ERICH1: variants seen among roughly 807,000 people sequenced by gnomAD.
The protein encoded by ERICH1 is glutamate rich 1.
Under a neutral mutation model 39.6 loss-of-function variants are expected in ERICH1, and 56 were observed. That is an observed-to-expected ratio of 1.41 (90% CI 1.14 to 1.77). ERICH1 has a LOEUF of 1.77. Ranked by LOEUF, ERICH1 falls within the 40% of genes most tolerant of loss-of-function variation. ERICH1 has a pLI of 0.00. For missense variants in ERICH1, 826 were observed against 575.4 expected (o/e 1.44, Z -4.45); for synonymous variants, 313 against 223.6 (o/e 1.40, Z -3.57).
intron 2 of ERICH1, among the ~76,000 whole-genome samples, chr8:707,565 A>G (rs1484130169): frequency 2.0e-5 from 3 of 152,138 alleles, no homozygotes; most frequent in African/African-American, 7.2e-5. Context: ...GTCTTCCACA[A>G]CTGGTGTTAA....
chr8:687,133 G>A lies in ERICH1; in HGVS notation c.304+5345C>T, dbSNP rs186712351. Among the ~76,000 whole-genome samples, 434 of 152,316 alleles carry A rather than the reference G, an allele frequency of 2.8e-3. 10 individuals carry two copies. Among genetic ancestry groups the A allele is most frequent in the Non-Finnish European group, 4.6e-4 (31 of 68,030 alleles). Reference sequence around the variant, plus strand: ...CATTTACTGCATGCTTCCAGAAGCCGTGAAGTTAGTAACTATTTCAACTGG... The same window carrying A: ...CATTTACTGCATGCTTCCAGAAGCCATGAAGTTAGTAACTATTTCAACTGG... On this transcript the variant is annotated intron_variant, in intron 3 of 5. Coordinates refer to ENST00000262109, the MANE Select transcript of ERICH1 (RefSeq NM_207332.3).
chr8:623,121 C>G (rs1797390638), intron 3 of ERICH1, among the ~76,000 whole-genome samples: 1 of 152,034 alleles, frequency 6.6e-6, no homozygotes, highest in Non-Finnish European at 1.5e-5. Context: ...CAAAAGAAAA[C>G]TACAGACTAA....
chr8:615,258 TCTTGG>T lies in ERICH1; in HGVS notation c.998_1002del (p.Ala333GlufsTer39). 5 of 697,780 alleles carry T rather than the reference TCTTGG, an allele frequency of 7.2e-6. No homozygotes were observed. The highest frequency in any genetic ancestry group is 1.3e-5 in the Non-Finnish European group (5 of 383,378). The allele number at this position is 697,780 out of a possible 1,614,324, so 43.2% of individuals were successfully genotyped here. On this transcript the variant is annotated frameshift_variant, in exon 4 of 4. Transcript: ENST00000522706. LOFTEE classifies it low-confidence loss of function (END_TRUNC). Reference sequence around the variant, plus strand: ...CCCTCTCTCTTTCCTCTTCTTATTTTCTTGGCTTTAAGTCTGCTTAGGACTCCTGG... The same window carrying T: ...CCCTCTCTCTTTCCTCTTCTTATTTTCTTTAAGTCTGCTTAGGACTCCTGG...
At chr8:720,679 C>T (rs1257308233) in intron 1 of ERICH1, among the ~76,000 whole-genome samples, 4 of 152,104 alleles carry the variant, frequency 2.6e-5, no homozygotes, top group South Asian at 2.1e-4. Flanking sequence ...AACTTGAGCA[C>T]GGTCGTCAAA....
At chr8:702,370 C>T (rs1812354586) in intron 2 of ERICH1, among the ~76,000 whole-genome samples, 1 of 152,152 alleles carries the variant, frequency 6.6e-6, no homozygotes, top group African/African-American at 2.4e-5. Flanking sequence ...AGCGGCACAG[C>T]TCCTTTAAAG....
chr8:726,411 T>C (rs1284498730), intron 1 of ERICH1, among the ~76,000 whole-genome samples: 1 of 150,252 alleles, frequency 6.7e-6, no homozygotes, highest in Non-Finnish European at 1.5e-5. Context: ...CAGACACACA[T>C]GTACACCCAT....
intron 3 of ERICH1, among the ~76,000 whole-genome samples, chr8:688,275 G>GGCCCCGCCCCGCCCCGGCCC: frequency 3.1e-5 from 1 of 32,206 alleles, no homozygotes; most frequent in South Asian, 1.2e-3. Flanking sequence ...AGTTCCGCCC[G>GGCCCCGCCCCGCCCCGGCCC]TCCCCGCCCC....
Position 638,173 on chromosome 8 carries a change from C to T in ERICH1, c.977-22889G>A, listed in dbSNP as rs567410610. Among the ~76,000 whole-genome samples the T allele has an allele frequency of 5.2e-5, 8 of 152,392 alleles. No individual in the cohort carries two copies. The East Asian group carries it at 7.7e-4, about 15-fold the overall frequency. ...CAGCATCCTGCAGAAGCTCCTACCA[C>T]GTGTGGGGCGCCTGGCCCTTGCCTT... On this transcript the variant is annotated intron_variant, in intron 3 of 3. Coordinates refer to the ERICH1 transcript ENST00000522706.
chr8:617,199 G>A (rs11778241), intron 3 of ERICH1, among the ~76,000 whole-genome samples: 84,778 of 151,738 alleles, frequency 0.56, 25,310 homozygotes, highest in East Asian at 0.88. Context: ...ATTCCAAGAG[G>A]CACTGACGCC....
Position 668,642 on chromosome 8 carries a change from T to G in ERICH1, c.1214A>C (p.Lys405Thr). The change falls in exon 5 of 6, where the codon AAG (lysine) becomes ACG (threonine). Residue 405 changes from lysine (K) to threonine (T), a missense_variant. Coordinates refer to ENST00000262109, the MANE Select transcript of ERICH1 (RefSeq NM_207332.3). ...LLLLQDTERL[K>T]HALEMFPEHC... is the part of the protein sequence containing the mutation. Reference sequence around the variant, plus strand: ...TTCTGGGAACATTTCCAGAGCATGCTTCAATCTCTCAGTATCTTGCAGGAG... The same window carrying G: ...TTCTGGGAACATTTCCAGAGCATGCGTCAATCTCTCAGTATCTTGCAGGAG... The G allele has an allele frequency of 6.2e-7, 1 of 1,614,242 alleles. No homozygotes were observed. The highest frequency in any genetic ancestry group is 1.7e-5 in the Admixed American group (1 of 60,034).
intron 1 of ERICH1, among the ~76,000 whole-genome samples, chr8:719,121 C>T (rs1170150909): frequency 2.0e-5 from 3 of 152,204 alleles, no homozygotes; most frequent in Admixed American, 6.5e-5. Context: ...GCTGAGAGCC[C>T]GACCCTCGGG....
At position 673,320 on chromosome 8, in the gene ERICH1, CA is replaced by C; in HGVS notation, c.1031del (p.Leu344Ter). 1 of 1,609,010 alleles carries C rather than the reference CA, an allele frequency of 6.2e-7. No individual in the cohort carries two copies. The highest frequency in any genetic ancestry group is 2.2e-5 in the East Asian group (1 of 44,768). On this transcript the variant is annotated frameshift_variant, in exon 4 of 6. Coordinates refer to ENST00000262109, the MANE Select transcript of ERICH1 (RefSeq NM_207332.3). LOFTEE classifies it high-confidence loss of function. Reference sequence around the variant, plus strand: ...AAAAATACATTTCCTGTGTTGACTTCAAAAAATTTAGAATACTGTGTGCCTT... The same window carrying C: ...AAAAATACATTTCCTGTGTTGACTTCAAAAATTTAGAATACTGTGTGCCTT... ...NEKAHSILNFLKSTQEMYFYD... is the reference protein window; with the variant it reads ...NEKAHSILNFXKSTQEMYFYD...
chr8:633,344 T>G (rs1304551296), intron 3 of ERICH1, among the ~76,000 whole-genome samples: 2 of 152,176 alleles, frequency 1.3e-5, no homozygotes, highest in African/African-American at 4.8e-5. Context: ...TGGATCAGGA[T>G]GCACTTGTAT....
intron 3 of ERICH1, among the ~76,000 whole-genome samples, chr8:616,743 A>G (rs998350741): frequency 2.1e-4 from 27 of 131,566 alleles, no homozygotes; most frequent in African/African-American, 8.1e-4. Context: ...GAAGCGGGAG[A>G]GAGAGGGACA....
intron 5 of ERICH1, 175 bp downstream of exon 5, chr8:668,423 T>A: frequency 3.1e-6 from 2 of 637,006 alleles, no homozygotes; most frequent in Non-Finnish European, 2.7e-6. Context: ...AATATTTTTA[T>A]ATCAAGCAGA....
intron 3 of ERICH1, chr8:625,536 C>T (rs1048078057): frequency 1.3e-5 from 2 of 152,182 alleles, no homozygotes; most frequent in African/African-American, 2.4e-5. Context: ...TACAAGTGTT[C>T]TCACATTCAT....
At chr8:638,453 G>A (rs567423240) in intron 3 of ERICH1, among the ~76,000 whole-genome samples, 1 of 152,316 alleles carries the variant, frequency 6.6e-6, no homozygotes, top group South Asian at 2.1e-4. Context: ...AAGGAGGGCA[G>A]TTGATGAAAT....
rs201670526 is a variant in ERICH1, at chr8:634,176, A to AC, written c.977-18893_977-18892insG. 5.3e-3 allele frequency among the ~76,000 whole-genome samples: 741 copies of AC among 139,070 alleles called. 11 individuals carry two copies. The highest frequency in any genetic ancestry group is 0.02 in the African/African-American group (718 of 36,158). The allele number at this position is 139,070 out of a possible 152,430, so 91.2% of individuals were successfully genotyped here. A position where few individuals can be genotyped will look rare whatever the true frequency, so the allele number is the denominator to read the frequency against. ...AGAGAACTCCTAAAACTCAAAAAAA[A>AC]AAAAAAAAAACAAACAAAAAAAACC... is the stretch of plus-strand genomic sequence containing the variant. On this transcript the variant is annotated intron_variant, in intron 3 of 3. Transcript: ENST00000522706.
chr8:707,173 A>G lies in ERICH1; in HGVS notation c.169+8688T>C, dbSNP rs547328881. Among the ~76,000 whole-genome samples, 78 of 150,738 alleles carry G rather than the reference A, an allele frequency of 5.2e-4. No individual in the cohort carries two copies. The South Asian group carries it at 0.016, about 32-fold the overall frequency. Reference sequence around the variant, plus strand: ...AATAGAATTGAGAGTCCAGAAATAAACCCCACATCTGTGGCCAACTGATTT... The same window carrying G: ...AATAGAATTGAGAGTCCAGAAATAAGCCCCACATCTGTGGCCAACTGATTT... On this transcript the variant is annotated intron_variant, in intron 2 of 5. Transcript: ENST00000262109.
Sources: gnomAD v4.1 joint callset for allele counts (sites outside exome capture counted in the v4.1 genomes callset) on GRCh38, gnomAD v4.1.1 for gene constraint, MANE v1.5 for transcripts, NCBI Gene and HGNC (gene_info 2026-07-23, HGNC 2026-07-21) for gene names.